The following KLHL1 variants were observed in gnomAD, a reference collection of about 807,000 sequenced individuals.
The protein encoded by KLHL1 is kelch like family member 1.
Under a neutral mutation model 77.7 loss-of-function variants are expected in KLHL1, and 47 were observed. The ratio of observed to expected loss-of-function variants is 0.60; its 90% confidence interval spans 0.48 to 0.77. The LOEUF (loss-of-function observed/expected upper bound fraction) is 0.77. KLHL1 is among the 30% of genes least tolerant of loss of function. KLHL1 has a pLI of 0.00. For missense variants in KLHL1, 925 were observed against 910.8 expected, an observed-to-expected ratio of 1.02 and a Z score of -0.20; for synonymous variants, 360 against 325.2, an observed-to-expected ratio of 1.11 and a Z score of -1.15.
intron 1 of KLHL1, among the ~76,000 whole-genome samples, chr13:69,990,797 C>A (rs1244389146): frequency 6.6e-6 from 1 of 151,924 alleles, no homozygotes; most frequent in Non-Finnish European, 1.5e-5. Flanking sequence ...CAACACTTGA[C>A]CAAATGGACC....
At chr13:70,054,834 A>G (rs1047115309) in intron 1 of KLHL1, among the ~76,000 whole-genome samples, 1 of 151,436 alleles carries the variant, frequency 6.6e-6, no homozygotes, top group Non-Finnish European at 1.5e-5. Context: ...TTAAGAGAGA[A>G]TTAGTGAGCT....
chr13:69,914,343 C>CATT (rs1882347084), intron 4 of KLHL1, among the ~76,000 whole-genome samples: 1 of 152,048 alleles, frequency 6.6e-6, no homozygotes, highest in Non-Finnish European at 1.5e-5. Context: ...ACTTAATAAT[C>CATT]ATTATTATTA....
chr13:69,746,874 A>G (rs1462162544), intron 7 of KLHL1, among the ~76,000 whole-genome samples: 3 of 152,144 alleles, frequency 2.0e-5, no homozygotes, highest in Non-Finnish European at 4.4e-5. Flanking sequence ...TGTCTAGGGA[A>G]TTCCTTCCTT....
chr13:69,952,879 G>A lies in KLHL1; in HGVS notation c.817+8429C>T, dbSNP rs1593981882. Among the ~76,000 whole-genome samples the A allele has an allele frequency of 2.6e-5, 4 of 151,366 alleles. No homozygotes were observed. The South Asian group carries it at 8.3e-4, about 31-fold the overall frequency. On this transcript the variant is annotated intron_variant, in intron 3 of 10. Transcript: ENST00000377844. ...TTGTTTTGCTTGTTTATATTTGCTT[G>A]TTTTCCCCCCATACTATCAGCAAAT...
Position 69,985,392 on chromosome 13 carries a change from C to T in KLHL1, c.498-9590G>A, listed in dbSNP as rs1040723690. ...GATATATGAAGAAAAATGAAAAATG[C>T]TCAACTTCATTAATCATCAGATAAA... On this transcript the variant is annotated intron_variant, in intron 1 of 10. Transcript: ENST00000377844. Among the ~76,000 whole-genome samples the T allele has an allele frequency of 2.0e-5, 3 of 151,802 alleles. No homozygotes were observed. The South Asian group carries it at 6.2e-4, about 32-fold the overall frequency.
intron 1 of KLHL1, among the ~76,000 whole-genome samples, chr13:70,005,751 CAAG>C (rs1483168550): frequency 1.3e-5 from 2 of 151,772 alleles, no homozygotes; most frequent in Non-Finnish European, 2.9e-5. Context: ...ATTATCAAAA[CAAG>C]AATAAATACA....
At chr13:69,773,609 C>T (rs1875684137) in intron 7 of KLHL1, among the ~76,000 whole-genome samples, 2 of 150,944 alleles carry the variant, frequency 1.3e-5, no homozygotes, top group Non-Finnish European at 1.5e-5. Context: ...CATTGTGCAC[C>T]CTCTAACTCC....
At chr13:69,848,811 G>A (rs1397505709) in intron 5 of KLHL1, among the ~76,000 whole-genome samples, 1 of 151,494 alleles carries the variant, frequency 6.6e-6, no homozygotes, top group Admixed American at 6.6e-5. Context: ...AATTGGCCAA[G>A]CTGACAGTAT....
At chr13:69,899,113 A>G (rs1193038816) in intron 4 of KLHL1, among the ~76,000 whole-genome samples, 2 of 152,076 alleles carry the variant, frequency 1.3e-5, no homozygotes, top group African/African-American at 2.4e-5. Context: ...GTAAGGAGGA[A>G]GAATATATCC....
At position 70,066,660 on chromosome 13, in the gene KLHL1, C is replaced by A. The variant is rs78925205; in HGVS notation, c.497+40543G>T. The stretch of plus-strand genomic sequence containing the variant: ...TGGGAGAATTTTCTCTTATTTGATT[C>A]TTCTTATCATTAGAAACTGGCCTTA... On this transcript the variant is annotated intron_variant, in intron 1 of 10. Coordinates refer to ENST00000377844, the MANE Select transcript of KLHL1 (RefSeq NM_020866.3). Among the ~76,000 whole-genome samples, 1,418 of 152,176 alleles carry A rather than the reference C, an allele frequency of 9.3e-3. 32 individuals carry two copies. The highest frequency in any genetic ancestry group is 0.029 in the African/African-American group (1,196 of 41,514).
chr13:69,849,557 A>G (rs897637253), intron 5 of KLHL1, among the ~76,000 whole-genome samples: 5 of 151,442 alleles, frequency 3.3e-5, no homozygotes, highest in African/African-American at 1.2e-4. Context: ...ATATGACCCG[A>G]ATCTTCAGAG....
chr13:69,741,840 A>G (rs1593789478), intron 7 of KLHL1, among the ~76,000 whole-genome samples: 2 of 152,330 alleles, frequency 1.3e-5, no homozygotes, highest in South Asian at 4.1e-4. Flanking sequence ...TTAGTCATTA[A>G]GATATTCTAT....
intron 7 of KLHL1, among the ~76,000 whole-genome samples, chr13:69,766,807 G>A (rs986947692): frequency 5.9e-5 from 9 of 152,084 alleles, no homozygotes; most frequent in Non-Finnish European, 7.4e-5. Flanking sequence ...AAGATAAAAC[G>A]AGGTAGCTAG....
chr13:70,057,397 A>G (rs1224599630), intron 1 of KLHL1, among the ~76,000 whole-genome samples: 2 of 150,252 alleles, frequency 1.3e-5, no homozygotes, highest in Non-Finnish European at 3.0e-5. Flanking sequence ...TCCAAAAACT[A>G]TAAGGAGGGA....
At chr13:69,786,728 C>T (rs1876570368) in intron 7 of KLHL1, among the ~76,000 whole-genome samples, 1 of 152,130 alleles carries the variant, frequency 6.6e-6, no homozygotes, top group East Asian at 1.9e-4. Context: ...TCCCTGTTTG[C>T]AGATGACATG....
At chr13:69,811,003 C>T (rs1877855648) in intron 6 of KLHL1, among the ~76,000 whole-genome samples, 1 of 150,632 alleles carries the variant, frequency 6.6e-6, no homozygotes, top group African/African-American at 2.5e-5. Context: ...AAAAAAAGCC[C>T]TATACCAGAT....
At chr13:69,881,489 T>A (rs1022332171) in intron 5 of KLHL1, among the ~76,000 whole-genome samples, 12 of 152,176 alleles carry the variant, frequency 7.9e-5, no homozygotes, top group Non-Finnish European at 1.2e-4. Flanking sequence ...AGTTTACCCA[T>A]CAACTTAGAA....
intron 1 of KLHL1, among the ~76,000 whole-genome samples, chr13:70,049,365 C>T (rs1340623433): frequency 1.3e-5 from 2 of 152,052 alleles, no homozygotes; most frequent in South Asian, 4.1e-4. Flanking sequence ...AATTTTACTA[C>T]CCACATTTAA....
intron 4 of KLHL1, among the ~76,000 whole-genome samples, chr13:69,885,316 C>A (rs558199062): frequency 6.6e-6 from 1 of 152,230 alleles, no homozygotes; most frequent in South Asian, 2.1e-4. Context: ...TACACTAAAT[C>A]TTTTGGTAAC....
Sources: allele counts gnomAD v4.1 joint callset (sites outside exome capture counted in the v4.1 genomes callset), GRCh38; gene constraint gnomAD v4.1.1; transcripts MANE v1.5; gene names NCBI Gene and HGNC (gene_info 2026-07-23, HGNC 2026-07-21).